Variants in DCT observed in about 807,000 individuals in gnomAD.
The protein encoded by DCT is dopachrome tautomerase, also known as L-dopachrome tautomerase.
DCT carries 47 observed loss-of-function variants against 53.0 expected under a neutral mutation model. That is an observed-to-expected ratio of 0.89 (90% CI 0.70 to 1.13). The LOEUF (loss-of-function observed/expected upper bound fraction) is 1.13, where lower values mean the gene tolerates loss of function less well. Among genes scored for constraint, DCT ranks in the 50% most tolerant of loss-of-function variants. DCT has a pLI of 0.00. For synonymous variants in DCT, 244 were observed against 237.0 expected (o/e 1.03, Z -0.27); for missense variants, 669 against 637.4 (o/e 1.05, Z -0.53).
chr13:94,478,025 G>A (rs375041431), intron 1 of DCT, among the ~76,000 whole-genome samples: 5 of 152,134 alleles, frequency 3.3e-5, no homozygotes, highest in East Asian at 3.9e-4. Flanking sequence ...AATGCACAGA[G>A]ATGTCAAAGC....
In DCT at chr13:94,468,990, G is replaced by C. The variant is rs747263631; in HGVS notation, c.351C>G (p.Asn117Lys). 1.2e-6 allele frequency: 2 copies of C among 1,614,116 alleles called. No homozygotes were observed. Among genetic ancestry groups the C allele is most frequent in the South Asian group, 2.2e-5 (2 of 91,076 alleles). Residue 117 changes from asparagine (N) to lysine (K), a missense_variant, in exon 2 of 8, where the codon AAC (asparagine) becomes AAG (lysine). Transcript: ENST00000377028. The stretch of plus-strand genomic sequence containing the variant: ...TCACTGGTGGTTTCTTCCGCTCGCA[G>C]TTGGGACCGGTCCAGCCAAACTTGC... ...GDCKFGWTGP[N>K]CERKKPPVIR...
the DCT span, among the ~76,000 whole-genome samples, chr13:94,518,232 G>A: frequency 3.3e-5 from 5 of 151,852 alleles, no homozygotes; most frequent in Admixed American, 6.6e-5. Flanking sequence ...ACTAAGTGTT[G>A]TTAAAAAAAA....
chr13:94,484,154 ATCTTTTCAT>A (rs531860245), upstream of DCT, among the ~76,000 whole-genome samples: 28 of 152,250 alleles, frequency 1.8e-4, no homozygotes, highest in East Asian at 2.1e-3. Context: ...GGGAAACAGC[ATCTTTTCAT>A]TCTTTTCATT....
chr13:94,457,401 G>A (rs1014066965), intron 6 of DCT, among the ~76,000 whole-genome samples: 15 of 152,208 alleles, frequency 9.9e-5, no homozygotes, highest in Admixed American at 6.5e-5. Context: ...GATGCAGCTA[G>A]AAGGCTCAGG....
chr13:94,510,687 G>A, the DCT span, among the ~76,000 whole-genome samples: 1 of 152,178 alleles, frequency 6.6e-6, no homozygotes, highest in Non-Finnish European at 1.5e-5. Context: ...AGACACTCCT[G>A]CTGAGTGGTG....
At chr13:94,529,639 C>G in the DCT span, among the ~76,000 whole-genome samples, 1 of 152,174 alleles carries the variant, frequency 6.6e-6, no homozygotes, top group East Asian at 1.9e-4. Context: ...ACATTTAAAG[C>G]AGTGTGTAGA....
At chr13:94,536,905 C>T in the DCT span, among the ~76,000 whole-genome samples, 3 of 152,186 alleles carry the variant, frequency 2.0e-5, no homozygotes, top group Non-Finnish European at 2.9e-5. Flanking sequence ...GATTGCGCCA[C>T]TGCACTCCAA....
chr13:94,508,759 T>C, the DCT span, among the ~76,000 whole-genome samples: 1 of 152,166 alleles, frequency 6.6e-6, no homozygotes, highest in African/African-American at 2.4e-5. Flanking sequence ...TTTTAGCTCA[T>C]TATAAAGAAA....
chr13:94,517,239 C>T, the DCT span, among the ~76,000 whole-genome samples: 35 of 152,212 alleles, frequency 2.3e-4, no homozygotes, highest in Non-Finnish European at 2.9e-4. Flanking sequence ...CACTTTTACT[C>T]ACTATCCAAA....
intron 4 of DCT, among the ~76,000 whole-genome samples, chr13:94,462,700 A>G (rs190288728): frequency 3.3e-5 from 5 of 152,292 alleles, no homozygotes; most frequent in Admixed American, 3.3e-4. Flanking sequence ...AAAAATGTAG[A>G]TGCACAAAAT....
At chr13:94,524,059 C>T in the DCT span, among the ~76,000 whole-genome samples, 1 of 152,122 alleles carries the variant, frequency 6.6e-6, no homozygotes, top group Non-Finnish European at 1.5e-5. Flanking sequence ...GAGCTAATAC[C>T]TCCCCCTTTA....
chr13:94,528,298 G>A, the DCT span, among the ~76,000 whole-genome samples: 3 of 152,066 alleles, frequency 2.0e-5, no homozygotes, highest in African/African-American at 7.2e-5. Flanking sequence ...ACACCACAAA[G>A]ATACTCCCTG....
At chr13:94,440,664 T>G in intron 7 of DCT, among the ~76,000 whole-genome samples, 1 of 147,512 alleles carries the variant, frequency 6.8e-6, no homozygotes, top group Non-Finnish European at 1.5e-5. Context: ...AATTAGTGGA[T>G]TTCATTTTTT....
At chr13:94,529,755 T>C in the DCT span, among the ~76,000 whole-genome samples, 3 of 151,884 alleles carry the variant, frequency 2.0e-5, no homozygotes, top group Admixed American at 2.0e-4. Context: ...GCAAACAAAG[T>C]CAAAAGCTAG....
rs1031041933 is a variant in DCT, at chr13:94,479,535, C to T, written c.-280G>A. On this transcript the variant is annotated 5_prime_UTR_variant, in exon 1 of 8. Transcript: ENST00000377028. Reference sequence around the variant, plus strand: ...TAACAACCAAATTTAATGAGGGTAGCGCTTCTCACCATCTTCCCCCGTTAA... The same window carrying T: ...TAACAACCAAATTTAATGAGGGTAGTGCTTCTCACCATCTTCCCCCGTTAA... 1.5e-5 allele frequency: 5 copies of T among 333,462 alleles called. No homozygotes were observed. Among genetic ancestry groups the T allele is most frequent in the East Asian group, 5.1e-5 (1 of 19,452 alleles). The allele number at this position is 333,462 out of a possible 1,614,324, so 20.7% of individuals were successfully genotyped here.
At chr13:94,452,586 G>T (rs1401451929) in intron 6 of DCT, 1 of 750,920 alleles carries the variant, frequency 1.3e-6, no homozygotes. Flanking sequence ...TTAAGCCAGG[G>T]ATTCTATTCT....
rs1264465584 is a variant in DCT at position 94,438,758 on chromosome 13, T to A, written c.*1140A>T. ...ATGATCTGATGATTGCATAGCAGAA[T>A]ATAACCACTTAATTCTGAATTGTCA... On this transcript the variant is annotated 3_prime_UTR_variant, in exon 8 of 8. Coordinates refer to ENST00000377028, the MANE Select transcript of DCT (RefSeq NM_001922.5). 1.2e-5 allele frequency: 5 copies of A among 413,986 alleles called. No homozygotes were observed. Among genetic ancestry groups the A allele is most frequent in the Non-Finnish European group, 1.9e-5 (4 of 207,196 alleles). 25.6% of individuals were successfully genotyped at this position (413,986 alleles called of 1,614,324 possible). A position where few individuals can be genotyped will look rare whatever the true frequency, so the allele number is the denominator to read the frequency against.
the DCT span, among the ~76,000 whole-genome samples, chr13:94,529,945 C>T: frequency 5.9e-5 from 9 of 151,948 alleles, no homozygotes; most frequent in African/African-American, 1.4e-4. Context: ...GCAATAAAAA[C>T]GATAAAGGGG....
chr13:94,476,040 T>C (rs1885052238), intron 1 of DCT, among the ~76,000 whole-genome samples: 1 of 152,172 alleles, frequency 6.6e-6, no homozygotes, highest in African/African-American at 2.4e-5. Context: ...TGACAATGGC[T>C]GGAGAGGCAG....
Sources: gnomAD v4.1 joint callset for allele counts (sites outside exome capture counted in the v4.1 genomes callset) on GRCh38, gnomAD v4.1.1 for gene constraint, MANE v1.5 for transcripts, NCBI Gene and HGNC (gene_info 2026-07-23, HGNC 2026-07-21) for gene names.